Variants in MCTP1 observed in about 807,000 individuals in gnomAD.
The protein encoded by MCTP1 is multiple C2 and transmembrane domain-containing protein 1.
Under a neutral mutation model 120.6 loss-of-function variants are expected in MCTP1, and 69 were observed. The ratio of observed to expected loss-of-function variants is 0.57; its 90% CI spans 0.47 to 0.70. The LOEUF is 0.70. MCTP1 is among the 30% of genes least tolerant of loss of function. The pLI, the probability that MCTP1 is intolerant of heterozygous loss-of-function variation, is 0.00. For missense variants in MCTP1, 1,203 were observed against 1,248.8 expected, an observed-to-expected ratio of 0.96 and a Z score of 0.55; for synonymous variants, 529 against 493.1, an observed-to-expected ratio of 1.07 and a Z score of -0.96.
At chr5:95,204,595 G>T (rs1751419917) in intron 1 of MCTP1, among the ~76,000 whole-genome samples, 1 of 152,088 alleles carries the variant, frequency 6.6e-6, no homozygotes, top group African/African-American at 2.4e-5. Flanking sequence ...ATCTCTACTT[G>T]CAAATGACAT....
chr5:95,143,450 A>T (rs1012031009), intron 1 of MCTP1, among the ~76,000 whole-genome samples: 5 of 152,092 alleles, frequency 3.3e-5, no homozygotes, highest in Admixed American at 3.3e-4. Flanking sequence ...CAGAGAGTAC[A>T]TGTGCAGGTT....
chr5:95,108,494 T>G (rs1007375851), intron 1 of MCTP1, among the ~76,000 whole-genome samples: 3 of 152,164 alleles, frequency 2.0e-5, no homozygotes, highest in African/African-American at 7.2e-5. Flanking sequence ...TTAAAAGTGG[T>G]AACTACAAAG....
chr5:94,895,045 A>C (rs982794545), intron 10 of MCTP1, among the ~76,000 whole-genome samples: 1 of 152,128 alleles, frequency 6.6e-6, no homozygotes, highest in Non-Finnish European at 1.5e-5. Flanking sequence ...TAAGATACAA[A>C]AAAATATGTT....
chr5:94,923,649 A>C (rs1164457556), intron 7 of MCTP1, among the ~76,000 whole-genome samples: 1 of 152,194 alleles, frequency 6.6e-6, no homozygotes, highest in African/African-American at 2.4e-5. Context: ...AAGAGCCTTC[A>C]TGGACCTTCC....
chr5:94,891,749 A>C (rs1561812851), intron 11 of MCTP1, among the ~76,000 whole-genome samples: 1 of 69,300 alleles, frequency 1.4e-5, no homozygotes, highest in Admixed American at 1.1e-4. Context: ...AAGAAGTAAA[A>C]ATAAATAAAT....
chr5:95,203,617 T>A (rs1751307952), intron 1 of MCTP1, among the ~76,000 whole-genome samples: 1 of 152,228 alleles, frequency 6.6e-6, no homozygotes, highest in Admixed American at 6.5e-5. Flanking sequence ...TAAATGCACA[T>A]TTAAAAATTA....
chr5:95,187,513 C>G (rs1243649419), intron 1 of MCTP1, among the ~76,000 whole-genome samples: 1 of 152,162 alleles, frequency 6.6e-6, no homozygotes, highest in East Asian at 1.9e-4. Context: ...GATTTTCCTG[C>G]CTCAGCCTCC....
chr5:95,129,746 G>C (rs951932600), intron 1 of MCTP1, among the ~76,000 whole-genome samples: 3 of 151,858 alleles, frequency 2.0e-5, no homozygotes, highest in Admixed American at 2.0e-4. Flanking sequence ...TGCAACCTCC[G>C]CCTTCTGGGT....
At chr5:94,975,447 G>A (rs1162664906) in intron 2 of MCTP1, among the ~76,000 whole-genome samples, 4 of 151,906 alleles carry the variant, frequency 2.6e-5, no homozygotes, top group Admixed American at 2.0e-4. Flanking sequence ...ACAGCAGGAA[G>A]GTGGCTGTCT....
intron 1 of MCTP1, among the ~76,000 whole-genome samples, chr5:95,218,525 T>G (rs767948545): frequency 2.6e-5 from 4 of 152,224 alleles, no homozygotes; most frequent in Non-Finnish European, 5.9e-5. Flanking sequence ...AATTTCCTAG[T>G]ATCAAGGAGA....
Position 95,266,241 on chromosome 5 carries a change from G to T in MCTP1, c.720+17615C>A, listed in dbSNP as rs1758873012. ...CATGGTTGAAATTTCAGAGACTCAA[G>T]TTTTAACTTTTATAATGCTAATGGA... On this transcript the variant is annotated intron_variant, in intron 1 of 22. Coordinates refer to ENST00000515393, the MANE Select transcript of MCTP1 (RefSeq NM_024717.7). Among the ~76,000 whole-genome samples, 4 of 152,188 alleles carry T rather than the reference G, an allele frequency of 2.6e-5. No individual in the cohort carries two copies. The South Asian group carries it at 8.3e-4, about 31-fold the overall frequency.
intron 19 of MCTP1, among the ~76,000 whole-genome samples, chr5:94,720,040 C>A (rs962638681): frequency 2.6e-5 from 4 of 151,946 alleles, no homozygotes; most frequent in Non-Finnish European, 5.9e-5. Flanking sequence ...GCAGGAGAAT[C>A]GCTTGAACCT....
At chr5:94,851,375 C>T (rs1450521598) in intron 17 of MCTP1, among the ~76,000 whole-genome samples, 3 of 152,020 alleles carry the variant, frequency 2.0e-5, no homozygotes, top group Non-Finnish European at 1.5e-5. Context: ...ATGAGGCCAA[C>T]ACAACATCTG....
chr5:95,175,809 T>G (rs1747904222), intron 1 of MCTP1, among the ~76,000 whole-genome samples: 1 of 152,164 alleles, frequency 6.6e-6, no homozygotes, highest in African/African-American at 2.4e-5. Flanking sequence ...GTTGCTGGCC[T>G]CCAGCACATG....
At chr5:94,765,808 G>A (rs542379625) in intron 19 of MCTP1, among the ~76,000 whole-genome samples, 6 of 149,306 alleles carry the variant, frequency 4.0e-5, no homozygotes, top group African/African-American at 1.5e-4. Flanking sequence ...AAATTAAGCC[G>A]TTAGCAAGAC....
In MCTP1 at chr5:95,068,478, G is replaced by A. The variant is rs190831204; in HGVS notation, c.721-50994C>T. Among the ~76,000 whole-genome samples the A allele has an allele frequency of 9.9e-5, 15 of 152,246 alleles. No individual in the cohort carries two copies. The East Asian group carries it at 2.9e-3, about 29-fold the overall frequency. On this transcript the variant is annotated intron_variant, in intron 1 of 22. Transcript: ENST00000515393. ...ACCCAGGGACAGTCTAGTCTAATAC[G>A]TCAACTTCCTCAGAGGCAGATGACA... is the stretch of plus-strand genomic sequence containing the variant.
intron 12 of MCTP1, chr5:94,877,493 A>G (rs1799163883): frequency 6.6e-6 from 1 of 152,094 alleles, no homozygotes; most frequent in East Asian, 1.9e-4. Flanking sequence ...TAAAGCATAT[A>G]TTCTATTGTC....
intron 2 of MCTP1, among the ~76,000 whole-genome samples, chr5:94,986,496 T>G (rs926506427): frequency 2.0e-5 from 3 of 152,124 alleles, no homozygotes; most frequent in Non-Finnish European, 4.4e-5. Flanking sequence ...ATCCCTGTGC[T>G]TAGGTCCATT....
At chr5:95,007,433 T>C (rs147801038) in intron 2 of MCTP1, among the ~76,000 whole-genome samples, 1 of 152,284 alleles carries the variant, frequency 6.6e-6, no homozygotes, top group Admixed American at 6.5e-5. Context: ...TCAGAGAATA[T>C]ATATGCAAAT....
Sources: gnomAD v4.1 joint callset for allele counts (sites outside exome capture counted in the v4.1 genomes callset) on GRCh38, gnomAD v4.1.1 for gene constraint, MANE v1.5 for transcripts, NCBI Gene and HGNC (gene_info 2026-07-23, HGNC 2026-07-21) for gene names.